Variants in PCNX2 observed in about 807,000 individuals in gnomAD.
The protein encoded by PCNX2 is pecanex 2.
Under a neutral mutation model 223.8 loss-of-function variants are expected in PCNX2, and 168 were observed. That is an observed-to-expected ratio of 0.75 (90% CI 0.66 to 0.85). The LOEUF is 0.85. PCNX2 is among the 40% of genes least tolerant of loss of function. The pLI, the probability that PCNX2 is intolerant of heterozygous loss-of-function variation, is 0.00. For missense variants in PCNX2, 2,507 were observed against 2,675.5 expected, an observed-to-expected ratio of 0.94 and a Z score of 1.39; for synonymous variants, 1,006 against 1,052.6, an observed-to-expected ratio of 0.96 and a Z score of 0.86.
At chr1:233,099,739 A>G (rs1483726136) in intron 21 of PCNX2, among the ~76,000 whole-genome samples, 5 of 152,230 alleles carry the variant, frequency 3.3e-5, no homozygotes, top group Non-Finnish European at 7.3e-5. Flanking sequence ...ATTGATCATC[A>G]ATGAGAAAAG....
intron 23 of PCNX2, among the ~76,000 whole-genome samples, chr1:233,065,957 G>A (rs1000977940): frequency 2.6e-5 from 4 of 152,164 alleles, no homozygotes; most frequent in African/African-American, 9.7e-5. Flanking sequence ...GTCCCCAACT[G>A]CAGTGAGAAC....
At chr1:233,123,256 G>A (rs560297270) in intron 21 of PCNX2, among the ~76,000 whole-genome samples, 1 of 152,264 alleles carries the variant, frequency 6.6e-6, no homozygotes, top group South Asian at 2.1e-4. Flanking sequence ...TGTCTTTTCT[G>A]TAAATCTAGA....
intron 15 of PCNX2, among the ~76,000 whole-genome samples, chr1:233,187,636 C>A (rs1457968930): frequency 6.6e-6 from 1 of 151,964 alleles, no homozygotes; most frequent in African/African-American, 2.4e-5. Context: ...CTGTTTTTTC[C>A]CCAAATCAGT....
chr1:233,177,137 G>A (rs554825315), intron 17 of PCNX2, among the ~76,000 whole-genome samples: 1 of 152,292 alleles, frequency 6.6e-6, no homozygotes, highest in South Asian at 2.1e-4. Context: ...TTTATTCAAA[G>A]ACCTGTGCTA....
At chr1:232,992,572 G>C (rs1669739967) in intron 32 of PCNX2, among the ~76,000 whole-genome samples, 1 of 152,198 alleles carries the variant, frequency 6.6e-6, no homozygotes, top group African/African-American at 2.4e-5. Context: ...CCAGGACAAT[G>C]GGATGGTGCA....
At chr1:233,169,261 C>T (rs1371287574) in intron 17 of PCNX2, among the ~76,000 whole-genome samples, 4 of 151,686 alleles carry the variant, frequency 2.6e-5, no homozygotes, top group African/African-American at 9.7e-5. Context: ...TTTTATGGAT[C>T]CTAAGTCTGA....
At chr1:233,026,655 T>C (rs562239763) in intron 25 of PCNX2, among the ~76,000 whole-genome samples, 1 of 152,210 alleles carries the variant, frequency 6.6e-6, no homozygotes, top group African/African-American at 2.4e-5. Flanking sequence ...ATGAGAATTG[T>C]TGATGAATTT....
chr1:233,058,158 C>T (rs976543225), intron 23 of PCNX2: 19 of 641,486 alleles, frequency 3.0e-5, no homozygotes, highest in Non-Finnish European at 3.7e-5. Context: ...GTAAGGCAGC[C>T]AGTCCATGAC....
chr1:233,179,651 T>C (rs892198505), intron 15 of PCNX2, among the ~76,000 whole-genome samples: 3 of 152,216 alleles, frequency 2.0e-5, no homozygotes, highest in African/African-American at 7.2e-5. Context: ...TCTTCAAAGC[T>C]TGTCTTGGTT....
At chr1:232,986,584 G>T in intron 32 of PCNX2, 44 bp from the exon 33 acceptor site, 1 of 1,448,000 alleles carries the variant, frequency 6.9e-7, no homozygotes, top group South Asian at 1.4e-5. Context: ...GGTGGGTCAT[G>T]AACATCGATA....
At chr1:233,150,018 C>A (rs12049140) in intron 19 of PCNX2, among the ~76,000 whole-genome samples, 20,064 of 152,072 alleles carry the variant, frequency 0.13, 1,455 homozygotes, top group East Asian at 0.23. Flanking sequence ...CTCCCAACCC[C>A]CTATGTGTTT....
intron 21 of PCNX2, among the ~76,000 whole-genome samples, chr1:233,111,883 G>T (rs886672453): frequency 5.3e-5 from 8 of 152,306 alleles, no homozygotes; most frequent in African/African-American, 1.9e-4. Flanking sequence ...AAGGCCTCAG[G>T]TATTGTTCCA....
At chr1:233,093,600 G>A (rs1314655785) in intron 22 of PCNX2, among the ~76,000 whole-genome samples, 3 of 152,052 alleles carry the variant, frequency 2.0e-5, no homozygotes, top group African/African-American at 7.3e-5. Flanking sequence ...CATGATGTTG[G>A]ACTCCAAGGA....
At chr1:233,097,073 G>C (rs926971032) in intron 21 of PCNX2, among the ~76,000 whole-genome samples, 1 of 152,264 alleles carries the variant, frequency 6.6e-6, no homozygotes, top group East Asian at 1.9e-4. Context: ...TTATTGGGTA[G>C]GCCATAGTAT....
chr1:232,990,887 C>G lies in PCNX2; in HGVS notation c.5792-4347G>C, dbSNP rs975992234. 6.6e-6 allele frequency among the ~76,000 whole-genome samples: 1 copy of G among 152,222 alleles called. No individual in the cohort carries two copies. The highest frequency in any genetic ancestry group is 6.5e-5 in the Admixed American group (1 of 15,286). ...CCTTGGGCCTACTTGCAGGCACGTG[C>G]ACCCCCAGACGGGCATGTGAATGGG... On this transcript the variant is annotated intron_variant, in intron 32 of 33. Transcript: ENST00000258229. This position sits in a 1 kb window ranked among gnomAD's most constrained non-coding sequence, Gnocchi z 4.3.
At chr1:233,237,677 CTT>C (rs1658502093) in intron 8 of PCNX2, among the ~76,000 whole-genome samples, 1 of 152,154 alleles carries the variant, frequency 6.6e-6, no homozygotes, top group African/African-American at 2.4e-5. Context: ...GTATCTATAA[CTT>C]TTAGGAGACA....
Position 233,000,205 on chromosome 1 carries a change from A to T in PCNX2, c.5328+100T>A. ...CTCTGAACAGAGGATGCTGGCACAG[A>T]GACTCCTGTGTCAGTGCCCCCCTGC... On this transcript the variant is annotated intron_variant, in intron 30 of 33. Coordinates refer to ENST00000258229, the MANE Select transcript of PCNX2 (RefSeq NM_014801.4). The surrounding 1 kb of genome is among the most constrained non-coding windows in gnomAD (Gnocchi z 4.6). The T allele has an allele frequency of 8.7e-7, 1 of 1,152,592 alleles. No individual in the cohort carries two copies. The highest frequency in any genetic ancestry group is 1.3e-6 in the Non-Finnish European group (1 of 766,832). The allele number at this position is 1,152,592 out of a possible 1,614,324, so 71.4% of individuals were successfully genotyped here.
intron 22 of PCNX2, among the ~76,000 whole-genome samples, chr1:233,092,854 G>A (rs1328567339): frequency 8.6e-5 from 13 of 152,002 alleles, no homozygotes; most frequent in South Asian, 2.1e-4. Flanking sequence ...GCTAGAGTGC[G>A]GTGGCACCAT....
rs993907347 is a variant in PCNX2 at position 233,017,246 on chromosome 1, A to C, written c.4606-92T>G. 1.0e-4 allele frequency: 93 copies of C among 912,042 alleles called. No homozygotes were observed. The Middle Eastern group carries it at 1.1e-3, about 10-fold the overall frequency. The allele number at this position is 912,042 out of a possible 1,614,324, so 56.5% of individuals were successfully genotyped here. A position where few individuals can be genotyped will look rare whatever the true frequency, so the allele number is the denominator to read the frequency against. On this transcript the variant is annotated intron_variant, in intron 26 of 33. Coordinates refer to ENST00000258229, the MANE Select transcript of PCNX2 (RefSeq NM_014801.4). The stretch of plus-strand genomic sequence containing the variant: ...AAAGTAAGAGGCATGAAATCCCTAC[A>C]TGTGGTATCATTTGTATGTTCTGCT...
Sources: allele counts gnomAD v4.1 joint callset (sites outside exome capture counted in the v4.1 genomes callset), GRCh38; gene constraint gnomAD v4.1.1; non-coding constraint Gnocchi (gnomAD v3.1); transcripts MANE v1.5; gene names NCBI Gene and HGNC (gene_info 2026-07-23, HGNC 2026-07-21).